SLC30A6: variants seen among roughly 807,000 people sequenced by gnomAD.
SLC30A6 encodes solute carrier family 30 member 6, also known as zinc transporter 6.
Under a neutral mutation model 63.0 loss-of-function variants are expected in SLC30A6, and 55 were observed. The observed-to-expected ratio is 0.87, with a 90% CI of 0.70 to 1.09. The LOEUF (loss-of-function observed/expected upper bound fraction) is 1.09, where lower values mean the gene tolerates loss of function less well. Ranked by LOEUF, SLC30A6 falls within the 50% of genes least tolerant of loss-of-function variation. The pLI is 0.00. For synonymous variants in SLC30A6, 224 were observed against 186.1 expected, an observed-to-expected ratio of 1.20 and a Z score of -1.66; for missense variants, 587 against 549.2, an observed-to-expected ratio of 1.07 and a Z score of -0.69.
intron 8 of SLC30A6, among the ~76,000 whole-genome samples, chr2:32,196,399 G>T (rs1683793647): frequency 6.6e-6 from 1 of 152,116 alleles, no homozygotes; most frequent in Non-Finnish European, 1.5e-5. Context: ...TATATGCCAA[G>T]CACTGCTAAA....
In SLC30A6 at chr2:32,202,184, C is replaced by G. The variant is rs567150734; in HGVS notation, c.666-2406C>G. The G allele has an allele frequency of 1.5e-5, 12 of 791,932 alleles. No individual in the cohort carries two copies. In the South Asian group the frequency reaches 2.0e-4, roughly 13 times the overall value. 49.1% of individuals were successfully genotyped at this position (791,932 alleles called of 1,614,324 possible). ...CTTCTGAAAGGTTGAGGGGTAACAT[C>G]TCTCTTTCCTGTTCAAGTTAAGACC... is the stretch of plus-strand genomic sequence containing the variant. On this transcript the variant is annotated intron_variant, in intron 10 of 13. Transcript: ENST00000282587.
At position 32,171,378 on chromosome 2, in the gene SLC30A6, G is replaced by C. The variant is rs745911029; in HGVS notation, c.90+5G>C. On this transcript the variant is annotated splice_donor_5th_base_variant and intron_variant, in intron 2 of 13. Coordinates refer to ENST00000282587, the MANE Select transcript of SLC30A6 (RefSeq NM_017964.5). ...CTTGTAGCAGCTGACCGAAGGGTAA[G>C]TTATTCCTTAACCCCAATTTTAATT... The C allele has an allele frequency of 5.0e-6, 8 of 1,610,364 alleles. No individual in the cohort carries two copies. In the East Asian group the frequency reaches 1.8e-4, roughly 36 times the overall value.
intron 10 of SLC30A6, chr2:32,204,122 A>G (rs74787324): frequency 0.048 from 18,403 of 385,198 alleles, 582 homozygotes; most frequent in East Asian, 0.098. Flanking sequence ...TAAATTGGTC[A>G]TATTTTTTTA....
intron 5 of SLC30A6, among the ~76,000 whole-genome samples, chr2:32,188,390 C>T (rs956038925): frequency 1.3e-5 from 2 of 152,164 alleles, no homozygotes; most frequent in Admixed American, 6.6e-5. Context: ...TCTGTCCCTA[C>T]CCTTTAAAAG....
intron 4 of SLC30A6, among the ~76,000 whole-genome samples, chr2:32,179,806 A>G (rs56752845): frequency 3.9e-5 from 6 of 152,350 alleles, no homozygotes; most frequent in African/African-American, 7.2e-5. Flanking sequence ...GTAAATATAC[A>G]TAGGAAAGAT....
intron 13 of SLC30A6, among the ~76,000 whole-genome samples, chr2:32,212,883 C>T (rs1199599855): frequency 4.3e-5 from 6 of 138,538 alleles, no homozygotes; most frequent in African/African-American, 1.7e-4. Context: ...GAGTGAGCCA[C>T]TGTGTCCAGC....
chr2:32,202,261 A>G, intron 10 of SLC30A6: 1 of 640,014 alleles, frequency 1.6e-6, no homozygotes, highest in Non-Finnish European at 2.5e-6. Context: ...ACAGACGGGA[A>G]CAGGAAAGAA....
At chr2:32,168,419 AAAT>A (rs202224084) in intron 1 of SLC30A6, among the ~76,000 whole-genome samples, 1,601 of 148,888 alleles carry the variant, frequency 0.011, 95 homozygotes, top group Admixed American at 0.094. Flanking sequence ...TAGAAAATAT[AAAT>A]AATATAAATA....
chr2:32,203,966 G>A lies in SLC30A6; in HGVS notation c.666-624G>A, dbSNP rs757693930. The A allele has an allele frequency of 2.9e-5, 22 of 754,378 alleles. No individual in the cohort carries two copies. The East Asian group carries it at 4.7e-4, about 16-fold the overall frequency. The allele number at this position is 754,378 out of a possible 1,614,324, so 46.7% of individuals were successfully genotyped here. A position where few individuals can be genotyped will look rare whatever the true frequency, so the allele number is the denominator to read the frequency against. On this transcript the variant is annotated intron_variant, in intron 10 of 13. Coordinates refer to ENST00000282587, the MANE Select transcript of SLC30A6 (RefSeq NM_017964.5). ...AGAAGATGAAGAGGGAATAGAAATC[G>A]ATCAAGAAGTGGGAGCCACAAACGG...
At chr2:32,216,764 G>C (rs1057292264) in intron 13 of SLC30A6, among the ~76,000 whole-genome samples, 1 of 151,184 alleles carries the variant, frequency 6.6e-6, no homozygotes, top group African/African-American at 2.4e-5. Context: ...GTTGTTTTTT[G>C]CTTGTTCAGT....
chr2:32,170,621 CAG>C (rs1681117380), intron 1 of SLC30A6, among the ~76,000 whole-genome samples: 1 of 152,196 alleles, frequency 6.6e-6, no homozygotes, highest in South Asian at 2.1e-4. Flanking sequence ...CTTTTTGAGA[CAG>C]AGTCTCACTC....
intron 5 of SLC30A6, among the ~76,000 whole-genome samples, chr2:32,189,435 G>C (rs913081169): frequency 2.0e-5 from 3 of 151,370 alleles, no homozygotes; most frequent in Non-Finnish European, 4.4e-5. Context: ...GGGACTACAG[G>C]CATGCACCAA....
chr2:32,188,565 G>A (rs762878117), intron 5 of SLC30A6, among the ~76,000 whole-genome samples: 5 of 152,044 alleles, frequency 3.3e-5, no homozygotes, highest in African/African-American at 1.2e-4. Context: ...GTGGTGGTGC[G>A]AGCCTGTCGT....
intron 4 of SLC30A6, among the ~76,000 whole-genome samples, chr2:32,180,777 G>A (rs181687254): frequency 5.4e-4 from 82 of 152,238 alleles, no homozygotes; most frequent in African/African-American, 1.9e-3. Flanking sequence ...AGTTACTAAT[G>A]TTACCAACCA....
intron 4 of SLC30A6, among the ~76,000 whole-genome samples, chr2:32,183,893 A>T (rs1342623585): frequency 6.6e-6 from 1 of 152,168 alleles, no homozygotes; most frequent in Admixed American, 6.6e-5. Flanking sequence ...TTTAACAAAG[A>T]TGAAGCGTAT....
chr2:32,177,136 G>A (rs569064231), intron 4 of SLC30A6, among the ~76,000 whole-genome samples: 27 of 152,108 alleles, frequency 1.8e-4, no homozygotes, highest in African/African-American at 5.5e-4. Context: ...CAGTCATTCC[G>A]TTCTCCCACT....
At chr2:32,175,243 A>C (rs535817092) in intron 3 of SLC30A6, 76 bp from the exon 4 acceptor site, 2 of 1,411,724 alleles carry the variant, frequency 1.4e-6, no homozygotes, top group African/African-American at 1.4e-5. Flanking sequence ...CCCCTGGTAG[A>C]AATAATTTTG....
intron 13 of SLC30A6, among the ~76,000 whole-genome samples, chr2:32,217,904 G>T (rs1036578422): frequency 6.6e-6 from 1 of 151,180 alleles, no homozygotes; most frequent in African/African-American, 2.4e-5. Context: ...GTGCAGTGGT[G>T]CAGCCACTGC....
At chr2:32,197,139 A>G (rs1387034811) in intron 8 of SLC30A6, among the ~76,000 whole-genome samples, 3 of 152,206 alleles carry the variant, frequency 2.0e-5, no homozygotes, top group Non-Finnish European at 4.4e-5. Context: ...TCAACTGTAT[A>G]TTGTATAATA....
Sources: allele counts gnomAD v4.1 joint callset (sites outside exome capture counted in the v4.1 genomes callset), GRCh38; gene constraint gnomAD v4.1.1; transcripts MANE v1.5; gene names NCBI Gene and HGNC (gene_info 2026-07-23, HGNC 2026-07-21).